Variants in SPIDR observed in about 807,000 individuals in gnomAD.
SPIDR encodes the protein DNA repair-scaffolding protein.
SPIDR carries 93 observed loss-of-function variants against 104.6 expected under a neutral mutation model. The ratio of observed to expected loss-of-function variants is 0.89; its 90% CI spans 0.75 to 1.06. SPIDR has a LOEUF of 1.06. SPIDR is among the 50% of genes least tolerant of loss of function. The pLI is 0.00. For synonymous variants in SPIDR, 431 were observed against 416.9 expected, an observed-to-expected ratio of 1.03 and a Z score of -0.41; for missense variants, 1,154 against 1,111.2, an observed-to-expected ratio of 1.04 and a Z score of -0.55.
intron 10 of SPIDR, among the ~76,000 whole-genome samples, chr8:47,623,918 A>G (rs2065564579): frequency 6.6e-6 from 1 of 152,228 alleles, no homozygotes. Flanking sequence ...TCCATCCCAA[A>G]TCAACAGAAT....
chr8:47,371,496 T>G (rs1453918393), intron 5 of SPIDR, among the ~76,000 whole-genome samples: 1 of 152,124 alleles, frequency 6.6e-6, no homozygotes, highest in Non-Finnish European at 1.5e-5. Context: ...AGGGCCCTTT[T>G]CCAGGTTGCA....
rs144514210 is a variant in SPIDR, at chr8:47,661,596, G to A, written c.1545-12205G>A. 2.8e-3 allele frequency among the ~76,000 whole-genome samples: 421 copies of A among 152,324 alleles called. 1 individual carries two copies. The highest frequency in any genetic ancestry group is 9.9e-3 in the African/African-American group (411 of 41,580). ...CCCGCCGTGGCCTGGCTAGCCACTG[G>A]TTCCCAATATTTCAGAGCTTACTAA... On this transcript the variant is annotated intron_variant, in intron 10 of 19. Transcript: ENST00000297423.
intron 14 of SPIDR, among the ~76,000 whole-genome samples, chr8:47,707,944 T>C (rs2081312311): frequency 6.6e-6 from 1 of 152,256 alleles, no homozygotes; most frequent in Non-Finnish European, 1.5e-5. Context: ...CTGATAAATT[T>C]GCATTGGTAA....
At chr8:47,580,959 C>A (rs1375086900) in intron 8 of SPIDR, among the ~76,000 whole-genome samples, 1 of 152,114 alleles carries the variant, frequency 6.6e-6, no homozygotes, top group Admixed American at 6.5e-5. Flanking sequence ...GTGGAAAGCA[C>A]CATTGGAGCA....
rs148549296 is a variant in SPIDR at position 47,390,955 on chromosome 8, C to G, written c.526-5421C>G. 6.6e-5 allele frequency among the ~76,000 whole-genome samples: 10 copies of G among 152,248 alleles called. No homozygotes were observed. The East Asian group carries it at 1.9e-3, about 29-fold the overall frequency. On this transcript the variant is annotated intron_variant, in intron 5 of 19. Coordinates refer to ENST00000297423, the MANE Select transcript of SPIDR (RefSeq NM_001080394.4). ...ACCTGCAGTTGCCTTTGACCTATTTCTGACTATTCCCTCTCTCTTCCACCC... is the reference window on the plus strand; with the variant it reads ...ACCTGCAGTTGCCTTTGACCTATTTGTGACTATTCCCTCTCTCTTCCACCC...
chr8:47,299,540 G>A (rs1284396451), intron 5 of SPIDR, among the ~76,000 whole-genome samples: 1 of 152,072 alleles, frequency 6.6e-6, no homozygotes, highest in East Asian at 1.9e-4. Context: ...GTTTTCAAAG[G>A]GAATGCTTCC....
intron 5 of SPIDR, among the ~76,000 whole-genome samples, chr8:47,299,436 C>T (rs1210379669): frequency 1.3e-5 from 2 of 152,100 alleles, no homozygotes; most frequent in Non-Finnish European, 2.9e-5. Flanking sequence ...ATTGAATACC[C>T]TTTATTTCCT....
Position 47,729,049 on chromosome 8 carries a change from T to C in SPIDR, c.2550+2T>C, listed in dbSNP as rs755406898. The C allele has an allele frequency of 6.2e-7, 1 of 1,613,714 alleles. No homozygotes were observed. Among genetic ancestry groups the C allele is most frequent in the Non-Finnish European group, 8.5e-7 (1 of 1,179,928 alleles). ...CCGCAGTGCAGAGTGAAGGTCAAGGTAGGAGCCAGGCCAGAGCACGCACGC... is the reference window on the plus strand; with the variant it reads ...CCGCAGTGCAGAGTGAAGGTCAAGGCAGGAGCCAGGCCAGAGCACGCACGC... On this transcript the variant is annotated splice_donor_variant, in intron 18 of 19. Transcript: ENST00000297423. LOFTEE classifies it high-confidence loss of function.
Position 47,549,574 on chromosome 8 carries a change from A to G in SPIDR, c.1098-46237A>G, listed in dbSNP as rs537760256. On this transcript the variant is annotated intron_variant, in intron 8 of 19. Coordinates refer to ENST00000297423, the MANE Select transcript of SPIDR (RefSeq NM_001080394.4). ...TTGGCTGCATAAATGTCTTCCCTTG[A>G]GAAGTGTCTGTTCATATCCTTCACC... Among the ~76,000 whole-genome samples, 218 of 152,332 alleles carry G rather than the reference A, an allele frequency of 1.4e-3. 1 individual carries two copies. The South Asian group carries it at 0.044, about 31-fold the overall frequency.
At chr8:47,359,346 G>A (rs1227710375) in intron 5 of SPIDR, among the ~76,000 whole-genome samples, 12 of 151,310 alleles carry the variant, frequency 7.9e-5, no homozygotes, top group Admixed American at 5.3e-4. Context: ...TTCAAACTTC[G>A]AACTTCTCTT....
At chr8:47,295,285 T>C (rs1341203022) in intron 5 of SPIDR, among the ~76,000 whole-genome samples, 1 of 152,222 alleles carries the variant, frequency 6.6e-6, no homozygotes, top group Non-Finnish European at 1.5e-5. Flanking sequence ...TGTCTATTTG[T>C]CCTCCTTATG....
At chr8:47,632,726 T>C (rs1241333644) in intron 10 of SPIDR, among the ~76,000 whole-genome samples, 1 of 152,224 alleles carries the variant, frequency 6.6e-6, no homozygotes, top group African/African-American at 2.4e-5. Flanking sequence ...TTTTTGTCTT[T>C]TGTTTAGTCT....
intron 5 of SPIDR, among the ~76,000 whole-genome samples, chr8:47,373,094 C>T (rs1417728251): frequency 6.6e-6 from 1 of 152,146 alleles, no homozygotes; most frequent in Non-Finnish European, 1.5e-5. Context: ...ATTCAGTACA[C>T]TACTGTGGAA....
intron 8 of SPIDR, among the ~76,000 whole-genome samples, chr8:47,466,841 C>A: frequency 7.8e-6 from 1 of 128,122 alleles, no homozygotes; most frequent in Non-Finnish European, 1.6e-5. Flanking sequence ...TGAAGGTAAT[C>A]AAGACATGAA....
chr8:47,260,936 G>T (rs896032146), upstream of SPIDR: 38 of 1,227,044 alleles, frequency 3.1e-5, no homozygotes, highest in Admixed American at 4.3e-5. Flanking sequence ...AGGAGGCGGT[G>T]CGCTCAGGCG....
At chr8:47,367,818 T>A (rs2057419150) in intron 5 of SPIDR, among the ~76,000 whole-genome samples, 1 of 152,024 alleles carries the variant, frequency 6.6e-6, no homozygotes, top group Non-Finnish European at 1.5e-5. Context: ...TGAACGAACG[T>A]AGGAAGGAAT....
chr8:47,599,285 TCTTAG>T, intron 10 of SPIDR, 89 bp downstream of exon 10: 1 of 1,525,520 alleles, frequency 6.6e-7, no homozygotes, highest in Non-Finnish European at 8.9e-7. Flanking sequence ...CAGAGCACGT[TCTTAG>T]CTGCATTCAC....
At position 47,595,974 on chromosome 8, in the gene SPIDR, A is replaced by C. The variant is rs371457585; in HGVS notation, c.1261A>C (p.Lys421Gln). ...CTCTTTGGCCCAGATGTTTGTAATT[A>C]AGGGTCTAACAAATAATTCACCTGA... ...SISLAQMFVI[K>Q]GLTNNSPEIQ... The change falls in exon 9 of 20, where the codon AAG (lysine) becomes CAG (glutamine). Residue 421 changes from lysine (K) to glutamine (Q), a missense_variant. Physicochemically the swap from Lys to Gln is moderately conservative, Grantham distance 53. Transcript: ENST00000297423. The C allele has an allele frequency of 1.1e-5, 18 of 1,613,382 alleles. No individual in the cohort carries two copies. In the African/African-American group the frequency reaches 1.6e-4, roughly 14 times the overall value.
intron 17 of SPIDR, 82 bp from the exon 18 acceptor site, chr8:47,728,851 G>A (rs759444917): frequency 2.7e-6 from 4 of 1,492,516 alleles, no homozygotes; most frequent in Non-Finnish European, 3.6e-6. Flanking sequence ...AGACACTCAT[G>A]TTTAAGAAAA....
Sources: allele counts gnomAD v4.1 joint callset (sites outside exome capture counted in the v4.1 genomes callset), GRCh38; gene constraint gnomAD v4.1.1; transcripts MANE v1.5; gene names NCBI Gene and HGNC (gene_info 2026-07-23, HGNC 2026-07-21).